SGK1: variants seen among roughly 807,000 people sequenced by gnomAD.
The protein encoded by SGK1 is serine/threonine-protein kinase Sgk1.
A neutral mutation model predicts 64.2 loss-of-function variants in SGK1; 26 were observed. The ratio of observed to expected loss-of-function variants is 0.40; its 90% CI spans 0.30 to 0.56. The LOEUF (loss-of-function observed/expected upper bound fraction) is 0.56, where lower values mean the gene tolerates loss of function less well. Among genes scored for constraint, SGK1 ranks in the 20% least tolerant of loss-of-function variants. SGK1 has a pLI of 0.38. For synonymous variants in SGK1, 265 were observed against 239.7 expected, an observed-to-expected ratio of 1.11 and a Z score of -0.98; for missense variants, 519 against 645.6, an observed-to-expected ratio of 0.80 and a Z score of 2.12.
chr6:134,261,462 A>T, intron 2 of SGK1: 1 of 245,452 alleles, frequency 4.1e-6, no homozygotes, highest in Non-Finnish European at 7.8e-6. Flanking sequence ...GACAGTAAAA[A>T]GATCAGTGGT....
At chr6:134,230,361 C>T (rs1582729433) in intron 2 of SGK1, 1 of 152,152 alleles carries the variant, frequency 6.6e-6, no homozygotes, top group African/African-American at 2.4e-5. Flanking sequence ...CAGCCTGAGA[C>T]TGGGTAATTT....
intron 3 of SGK1, among the ~76,000 whole-genome samples, chr6:134,185,240 T>C (rs1204924499): frequency 6.6e-6 from 1 of 152,248 alleles, no homozygotes; most frequent in African/African-American, 2.4e-5. Flanking sequence ...CCTCATAGAC[T>C]GTTTTCTTTC....
intron 3 of SGK1, chr6:134,177,519 T>C: frequency 7.1e-6 from 5 of 708,686 alleles, no homozygotes; most frequent in Non-Finnish European, 1.2e-5. Flanking sequence ...GCACACAGAC[T>C]TTTGCATGTT....
chr6:134,280,559 T>G (rs984931242), intron 1 of SGK1, among the ~76,000 whole-genome samples: 1 of 152,210 alleles, frequency 6.6e-6, no homozygotes, highest in South Asian at 2.1e-4. Flanking sequence ...ATTACAGGCA[T>G]GAGCCACCTC....
At chr6:134,275,310 G>A (rs929349866) in intron 1 of SGK1, among the ~76,000 whole-genome samples, 11 of 152,198 alleles carry the variant, frequency 7.2e-5, no homozygotes, top group Non-Finnish European at 1.3e-4. Context: ...GCCTCCCAAA[G>A]TGTTGGGATT....
chr6:134,308,837 G>A (rs371884489), intron 1 of SGK1, among the ~76,000 whole-genome samples: 8 of 152,172 alleles, frequency 5.3e-5, no homozygotes, highest in East Asian at 1.9e-4. Context: ...GATTACAGGC[G>A]TTTGCTACCG....
At chr6:134,287,009 TTTGAGACGGA>T (rs1777193961) in intron 1 of SGK1, among the ~76,000 whole-genome samples, 1 of 152,158 alleles carries the variant, frequency 6.6e-6, no homozygotes, top group Non-Finnish European at 1.5e-5. Flanking sequence ...TGTTTTGTTT[TTTGAGACGGA>T]GTGTCACAGT....
intron 2 of SGK1, among the ~76,000 whole-genome samples, chr6:134,216,432 C>G (rs898350484): frequency 9.2e-5 from 14 of 152,192 alleles, no homozygotes; most frequent in African/African-American, 2.9e-4. Flanking sequence ...GAAATGGCCC[C>G]TGGCTGGTAT....
chr6:134,190,808 A>G (rs1376736172), intron 3 of SGK1, among the ~76,000 whole-genome samples: 5 of 152,370 alleles, frequency 3.3e-5, no homozygotes, highest in Admixed American at 2.0e-4. Flanking sequence ...GTACATTTAC[A>G]TAAGATGTGA....
intron 1 of SGK1, among the ~76,000 whole-genome samples, chr6:134,303,003 C>T (rs969705383): frequency 1.3e-5 from 2 of 152,120 alleles, no homozygotes; most frequent in Non-Finnish European, 1.5e-5. Context: ...GATCCACCCA[C>T]TTCAGCCTCC....
At chr6:134,171,214 G>T (rs1347245600) in intron 11 of SGK1, 36 bp from the exon 12 acceptor site, 4 of 1,600,996 alleles carry the variant, frequency 2.5e-6, no homozygotes, top group Non-Finnish European at 3.4e-6. Flanking sequence ...GACTTAATTG[G>T]AAGTTTCATA....
intron 3 of SGK1, chr6:134,175,883 G>A: frequency 8.2e-7 from 1 of 1,225,798 alleles, no homozygotes; most frequent in Non-Finnish European, 1.0e-6. Flanking sequence ...TGGAAGAGGA[G>A]GAAGGAAGGA....
chr6:134,188,877 C>T (rs981928913), intron 3 of SGK1, among the ~76,000 whole-genome samples: 1 of 150,956 alleles, frequency 6.6e-6, no homozygotes, highest in Non-Finnish European at 1.5e-5. Context: ...GGGCTACAGG[C>T]ACATGCCACC....
intron 2 of SGK1, among the ~76,000 whole-genome samples, chr6:134,224,977 G>A (rs1776146864): frequency 7.9e-6 from 1 of 126,462 alleles, no homozygotes; most frequent in African/African-American, 3.0e-5. Flanking sequence ...CTGAGATGGT[G>A]ACACTGCATT....
intron 2 of SGK1, among the ~76,000 whole-genome samples, chr6:134,244,836 C>T (rs1016515197): frequency 3.3e-5 from 5 of 152,232 alleles, no homozygotes; most frequent in Admixed American, 6.5e-5. Context: ...AGTGCAATGG[C>T]GCAATCTTGG....
chr6:134,238,316 T>C (rs1776393944), intron 2 of SGK1, among the ~76,000 whole-genome samples: 1 of 152,188 alleles, frequency 6.6e-6, no homozygotes, highest in African/African-American at 2.4e-5. Context: ...CTAGTTCAAC[T>C]CCCTCATAAA....
intron 1 of SGK1, among the ~76,000 whole-genome samples, chr6:134,280,386 T>G (rs1407106777): frequency 6.6e-6 from 1 of 152,064 alleles, no homozygotes; most frequent in African/African-American, 2.4e-5. Flanking sequence ...AATAGATGAG[T>G]AAAGGAGTGA....
chr6:134,242,172 G>A (rs1027339520), intron 2 of SGK1, among the ~76,000 whole-genome samples: 1 of 152,028 alleles, frequency 6.6e-6, no homozygotes, highest in Non-Finnish European at 1.5e-5. Flanking sequence ...GGGAAGAAAG[G>A]GAGCAACTAG....
At chr6:134,241,054 T>TC (rs1483687288) in intron 2 of SGK1, among the ~76,000 whole-genome samples, 7 of 28,180 alleles carry the variant, frequency 2.5e-4, no homozygotes, top group Non-Finnish European at 1.3e-3. Context: ...TTTTCTTTTT[T>TC]TTTTTTTTTT....
Sources: gnomAD v4.1 joint callset for allele counts (sites outside exome capture counted in the v4.1 genomes callset) on GRCh38, gnomAD v4.1.1 for gene constraint, MANE v1.5 for transcripts, NCBI Gene and HGNC (gene_info 2026-07-23, HGNC 2026-07-21) for gene names.